Variants in PHLDB1 observed in about 807,000 individuals in gnomAD.
PHLDB1 encodes the protein pleckstrin homology like domain family B member 1.
A neutral mutation model predicts 139.3 loss-of-function variants in PHLDB1; 65 were observed. The observed-to-expected ratio is 0.47, with a 90% CI of 0.38 to 0.57. The LOEUF is 0.57. Ranked by LOEUF, PHLDB1 falls within the 20% of genes least tolerant of loss-of-function variation. The pLI is 0.00. For missense variants in PHLDB1, 1,624 were observed against 1,839.7 expected (o/e 0.88, Z 2.14); for synonymous variants, 679 against 734.5 (o/e 0.92, Z 1.22).
In PHLDB1 at chr11:118,644,150, C is replaced by T. The variant is rs199684360; in HGVS notation, c.3097C>T (p.Arg1033Cys). The T allele has an allele frequency of 7.4e-6, 12 of 1,612,536 alleles. No homozygotes were observed. The highest frequency in any genetic ancestry group is 2.7e-5 in the African/African-American group (2 of 74,896). ...AATLQDIETK[R>C]QLALQQKGQQ... ...CACACTGCAGGACATCGAGACCAAG[C>T]GCCAACTAGCTCTGCAGCAGAAGGG... Residue 1033 changes from arginine (R) to cysteine (C), a missense_variant, in exon 15 of 23, where the codon CGC becomes TGC. Physicochemically the swap from Arg to Cys is radical, Grantham distance 180. Coordinates refer to ENST00000600882, the MANE Select transcript of PHLDB1 (RefSeq NM_001144758.3).
chr11:118,629,887 TC>T, intron 6 of PHLDB1: 1 of 545,112 alleles, frequency 1.8e-6, no homozygotes. Flanking sequence ...TTACCACTAG[TC>T]CTGACCTGCC....
At chr11:118,618,382 C>T (rs1433177808) in intron 4 of PHLDB1, among the ~76,000 whole-genome samples, 1 of 152,120 alleles carries the variant, frequency 6.6e-6, no homozygotes, top group African/African-American at 2.4e-5. Flanking sequence ...GGCACCAAGC[C>T]CAGCCCTGCC....
chr11:118,642,475 C>T (rs1466745861), intron 13 of PHLDB1, 81 bp downstream of exon 13: 12 of 1,477,344 alleles, frequency 8.1e-6, no homozygotes, highest in East Asian at 4.5e-5. Context: ...ATCAGCCACA[C>T]AGTACCACCT....
chr11:118,635,369 C>T (rs782716493), intron 9 of PHLDB1, 24 bp from the exon 10 acceptor site: 5 of 1,554,918 alleles, frequency 3.2e-6, no homozygotes, highest in Non-Finnish European at 4.3e-6. Context: ...CACCACCCAA[C>T]CCCCTTTGTC....
At chr11:118,641,536 C>G in intron 12 of PHLDB1, 1 of 900,508 alleles carries the variant, frequency 1.1e-6, no homozygotes, top group African/African-American at 1.8e-5. Context: ...CCTCCCTTCC[C>G]CTGTGGGTAG....
At chr11:118,642,455 C>G (rs1555122340) in intron 13 of PHLDB1, 61 bp downstream of exon 13, 1 of 1,546,644 alleles carries the variant, frequency 6.5e-7, no homozygotes. Context: ...CTGATACCTC[C>G]TGCCAATCCA....
At chr11:118,625,449 T>C (rs976215794) in intron 5 of PHLDB1, among the ~76,000 whole-genome samples, 3 of 152,230 alleles carry the variant, frequency 2.0e-5, no homozygotes, top group Non-Finnish European at 2.9e-5. Flanking sequence ...GTGGGGATCA[T>C]GTCCTTGGGC....
At chr11:118,619,492 G>A (rs1389216527) in intron 4 of PHLDB1, among the ~76,000 whole-genome samples, 2 of 152,118 alleles carry the variant, frequency 1.3e-5, no homozygotes, top group Non-Finnish European at 2.9e-5. Flanking sequence ...GACTGATAAC[G>A]ATCTTGACTA....
chr11:118,618,391 C>G lies in PHLDB1; in HGVS notation c.355+2180C>G, dbSNP rs550788622. ...GAGCAAGGCACCAAGCCCAGCCCTG[C>G]CTGGCCCCACTCCGGACATTCTTGG... On this transcript the variant is annotated intron_variant, in intron 4 of 22. Transcript: ENST00000600882. Among the ~76,000 whole-genome samples the G allele has an allele frequency of 2.7e-3, 411 of 152,224 alleles. 2 individuals are homozygous for G. Among genetic ancestry groups the G allele is most frequent in the African/African-American group, 9.5e-3 (394 of 41,534 alleles).
rs889413444 is a variant in PHLDB1 at position 118,657,251 on chromosome 11, G to A, written c.*428G>A. On this transcript the variant is annotated 3_prime_UTR_variant, in exon 23 of 23. Transcript: ENST00000600882. ...CTTCCCATTTCTCAAACCCCGCTCTGCCCCATTGTTCTCCTTTCCCTTATA... is the reference window on the plus strand; with the variant it reads ...CTTCCCATTTCTCAAACCCCGCTCTACCCCATTGTTCTCCTTTCCCTTATA... The A allele has an allele frequency of 5.0e-5, 8 of 160,986 alleles. No homozygotes were observed. The highest frequency in any genetic ancestry group is 8.3e-5 in the Non-Finnish European group (6 of 72,648). The allele number at this position is 160,986 out of a possible 1,614,324, so 10.0% of individuals were successfully genotyped here.
chr11:118,632,113 G>C lies in PHLDB1; in HGVS notation c.2242-46G>C, dbSNP rs1447592543. 1.5e-5 allele frequency: 25 copies of C among 1,613,658 alleles called. No homozygotes were observed. The highest frequency in any genetic ancestry group is 2.1e-5 in the Non-Finnish European group (25 of 1,179,774). On this transcript the variant is annotated intron_variant, in intron 8 of 22. Transcript: ENST00000600882. This position sits in a 1 kb window ranked among gnomAD's most constrained non-coding sequence, Gnocchi z 5.9. ...AGGCCAACTGAAGGCCCCAGAGAGGGGCCACAGTCAGCTGCTTTGATGGGG... is the reference window on the plus strand; with the variant it reads ...AGGCCAACTGAAGGCCCCAGAGAGGCGCCACAGTCAGCTGCTTTGATGGGG...
intron 6 of PHLDB1, among the ~76,000 whole-genome samples, chr11:118,630,834 C>G (rs1944682271): frequency 6.6e-6 from 1 of 151,858 alleles, no homozygotes; most frequent in Non-Finnish European, 1.5e-5. Flanking sequence ...GTCTGCTTAA[C>G]AGTGTGTTTC....
chr11:118,649,931 T>A, intron 18 of PHLDB1, 146 bp from the exon 19 acceptor site: 1 of 685,566 alleles, frequency 1.5e-6, no homozygotes, highest in Non-Finnish European at 2.7e-6. Flanking sequence ...ACTTTTGCCA[T>A]AAGCCCTGTG....
chr11:118,616,782 C>T (rs1458728425), intron 4 of PHLDB1, among the ~76,000 whole-genome samples: 2 of 152,312 alleles, frequency 1.3e-5, no homozygotes, highest in Middle Eastern at 3.4e-3. Context: ...TGGTGGCTCA[C>T]GCCTACAATC....
At chr11:118,612,170 T>C (rs1940568398) in intron 1 of PHLDB1, among the ~76,000 whole-genome samples, 1 of 151,984 alleles carries the variant, frequency 6.6e-6, no homozygotes, top group South Asian at 2.1e-4. Context: ...TACTCTAGTT[T>C]TATAGAAGAA....
chr11:118,623,540 G>A (rs1175314648), intron 4 of PHLDB1, among the ~76,000 whole-genome samples: 1 of 152,236 alleles, frequency 6.6e-6, no homozygotes, highest in African/African-American at 2.4e-5. Context: ...GCCGGGCCTG[G>A]TGGCCTAGTC....
chr11:118,632,116 C>T lies in PHLDB1; in HGVS notation c.2242-43C>T. On this transcript the variant is annotated intron_variant, in intron 8 of 22. Transcript: ENST00000600882. This position sits in a 1 kb window ranked among gnomAD's most constrained non-coding sequence, Gnocchi z 5.9. ...CCAACTGAAGGCCCCAGAGAGGGGC[C>T]ACAGTCAGCTGCTTTGATGGGGACC... The T allele has an allele frequency of 1.2e-6, 2 of 1,613,808 alleles. No individual in the cohort carries two copies. Among genetic ancestry groups the T allele is most frequent in the African/African-American group, 1.3e-5 (1 of 75,068 alleles).
intron 9 of PHLDB1, chr11:118,634,129 T>A (rs1242450013): frequency 6.6e-6 from 1 of 152,000 alleles, no homozygotes; most frequent in African/African-American, 2.4e-5. Context: ...CACCAAACCC[T>A]CCCCTCGTCC....
At position 118,645,653 on chromosome 11, in the gene PHLDB1, A is replaced by G; in HGVS notation, c.3416+3A>G. On this transcript the variant is annotated splice_donor_region_variant and intron_variant, in intron 16 of 22. Coordinates refer to ENST00000600882, the MANE Select transcript of PHLDB1 (RefSeq NM_001144758.3). This position sits in a 1 kb window ranked among gnomAD's most constrained non-coding sequence, Gnocchi z 5.1. ...TGCTCCCCTGACAACATGTCCAGGT[A>G]CACCCGACGCCTGGGCCCGCAGCCT... 1 of 1,613,430 alleles carries G rather than the reference A, an allele frequency of 6.2e-7. No homozygotes were observed. The highest frequency in any genetic ancestry group is 8.5e-7 in the Non-Finnish European group (1 of 1,179,528).
Sources: gnomAD v4.1 joint callset for allele counts (sites outside exome capture counted in the v4.1 genomes callset) on GRCh38, gnomAD v4.1.1 for gene constraint, Gnocchi (gnomAD v3.1) non-coding constraint, MANE v1.5 for transcripts, NCBI Gene and HGNC (gene_info 2026-07-23, HGNC 2026-07-21) for gene names.